The following NXN variants were observed in gnomAD, a reference collection of about 807,000 sequenced individuals.
The protein encoded by NXN is nucleoredoxin 1.
A neutral mutation model predicts 48.6 loss-of-function variants in NXN; 16 were observed. The observed-to-expected ratio is 0.33, with a 90% CI of 0.22 to 0.50. The LOEUF (loss-of-function observed/expected upper bound fraction) is 0.50, where lower values mean the gene tolerates loss of function less well. NXN is among the 20% of genes least tolerant of loss of function. The pLI is 0.98. For synonymous variants in NXN, 281 were observed against 269.6 expected (o/e 1.04, Z -0.41); for missense variants, 492 against 605.5 (o/e 0.81, Z 1.97).
chr17:866,372 G>GA (rs1307859385), intron 1 of NXN, among the ~76,000 whole-genome samples: 2 of 152,150 alleles, frequency 1.3e-5, no homozygotes, highest in Non-Finnish European at 2.9e-5. Flanking sequence ...CACCTGCACT[G>GA]AAGAGTTCAA....
rs535073467 is a variant in NXN, at chr17:817,435, C to A, written c.820+2004G>T. Among the ~76,000 whole-genome samples the A allele has an allele frequency of 2.0e-5, 3 of 152,006 alleles. No homozygotes were observed. The South Asian group carries it at 6.2e-4, about 32-fold the overall frequency. On this transcript the variant is annotated intron_variant, in intron 5 of 7. Coordinates refer to ENST00000336868, the MANE Select transcript of NXN (RefSeq NM_022463.5). ...CTGTAATCCCAGCACTTTGGGAGGC[C>A]GAGGTGGGCGGATCACAAGGTCAAG...
chr17:817,587 T>C (rs1346442937), intron 5 of NXN, among the ~76,000 whole-genome samples: 4 of 148,558 alleles, frequency 2.7e-5, no homozygotes, highest in Non-Finnish European at 5.9e-5. Flanking sequence ...GAGAATGGCG[T>C]GAACCCGGGA....
rs553897345 is a variant in NXN at position 886,887 on chromosome 17, CATTTTT to C, written c.361-60815_361-60810del. On this transcript the variant is annotated intron_variant, in intron 1 of 7. Transcript: ENST00000336868. The stretch of plus-strand genomic sequence containing the variant: ...GATCTCATTCTATTGTTTATCCTAA[CATTTTT>C]GCCTGACAGTCTGGATAAAACAAAC... Among the ~76,000 whole-genome samples, 59 of 152,000 alleles carry C rather than the reference CATTTTT, an allele frequency of 3.9e-4. No homozygotes were observed. In the East Asian group the frequency reaches 0.01, roughly 26 times the overall value.
chr17:896,851 C>A, intron 1 of NXN: 1 of 1,191,200 alleles, frequency 8.4e-7, no homozygotes, highest in Admixed American at 3.1e-5. Flanking sequence ...CCACGCGGTC[C>A]TGACCACCCG....
chr17:859,854 C>T (rs1023843825), intron 1 of NXN, among the ~76,000 whole-genome samples: 19 of 152,136 alleles, frequency 1.2e-4, no homozygotes, highest in Non-Finnish European at 2.1e-4. Flanking sequence ...CAGGCAAAAC[C>T]GAGCAAATTA....
intron 1 of NXN, among the ~76,000 whole-genome samples, chr17:848,085 CAGG>C (rs1567831702): frequency 6.6e-6 from 1 of 151,936 alleles, no homozygotes; most frequent in Non-Finnish European, 1.5e-5. Context: ...CTGACACCCT[CAGG>C]AGGACGTCAA....
chr17:937,105 C>T (rs896622777), intron 1 of NXN, among the ~76,000 whole-genome samples: 1 of 151,988 alleles, frequency 6.6e-6, no homozygotes, highest in Admixed American at 6.6e-5. Flanking sequence ...ACCTCGGTGT[C>T]CTGAGTGGCT....
At chr17:948,704 A>G (rs1277401715) in intron 1 of NXN, among the ~76,000 whole-genome samples, 1 of 151,700 alleles carries the variant, frequency 6.6e-6, no homozygotes, top group Non-Finnish European at 1.5e-5. Flanking sequence ...GCGGGGCCTC[A>G]CCCCGGCCCG....
chr17:894,915 G>A (rs1159838078), intron 1 of NXN, among the ~76,000 whole-genome samples: 1 of 150,876 alleles, frequency 6.6e-6, no homozygotes, highest in East Asian at 1.9e-4. Context: ...CCAGGTCCCC[G>A]CTGGCCGCCT....
intron 1 of NXN, among the ~76,000 whole-genome samples, chr17:953,764 C>A (rs1398801814): frequency 6.6e-6 from 1 of 152,050 alleles, no homozygotes; most frequent in Non-Finnish European, 1.5e-5. Context: ...AGTGAGACCC[C>A]CATCTCTAAC....
intron 1 of NXN, chr17:897,059 G>A (rs533564696): frequency 1.5e-5 from 16 of 1,072,822 alleles, no homozygotes; most frequent in East Asian, 1.1e-4. Context: ...TCACACACGC[G>A]TGAGCTTTGA....
Position 811,511 on chromosome 17 carries a change from G to GGC in NXN, c.821-6265_821-6264insGC, listed in dbSNP as rs1446015521. Among the ~76,000 whole-genome samples the GGC allele has an allele frequency of 5.0e-4, 73 of 146,102 alleles. 1 individual carries two copies. The highest frequency in any genetic ancestry group is 4.9e-3 in the Admixed American group (73 of 14,984). On this transcript the variant is annotated intron_variant, in intron 5 of 7. Transcript: ENST00000336868. ...CAGGCTGCGTAAAGCCCCGGGGTTG[G>GGC]GGGGGGGGCAGCACTCTGGAAGCCA...
At chr17:947,883 C>CAA (rs71145800) in intron 1 of NXN, among the ~76,000 whole-genome samples, 3,716 of 119,180 alleles carry the variant, frequency 0.031, 126 homozygotes, top group Non-Finnish European at 0.045. Flanking sequence ...TACTGAAATA[C>CAA]AAAAAAAAAA....
At position 813,000 on chromosome 17, in the gene NXN, T is replaced by G. The variant is rs150104144; in HGVS notation, c.820+6439A>C. ...TGTGTGCACATGTGAATGTAGGTGT[T>G]TGCATGTGTGTAGGTTGTGTGCACG... On this transcript the variant is annotated intron_variant, in intron 5 of 7. Transcript: ENST00000336868. 2.0e-5 allele frequency among the ~76,000 whole-genome samples: 3 copies of G among 151,952 alleles called. No individual in the cohort carries two copies. In the East Asian group the frequency reaches 5.8e-4, roughly 29 times the overall value.
chr17:837,930 G>A (rs1043024661), intron 1 of NXN, among the ~76,000 whole-genome samples: 2 of 152,168 alleles, frequency 1.3e-5, no homozygotes, highest in South Asian at 2.1e-4. Flanking sequence ...TGGCAAGAGC[G>A]TGAGGTTCAC....
intron 1 of NXN, among the ~76,000 whole-genome samples, chr17:922,003 C>T (rs893491251): frequency 8.5e-5 from 13 of 152,354 alleles, no homozygotes; most frequent in East Asian, 1.9e-4. Flanking sequence ...CTGAAGACAT[C>T]GCTGTCAACC....
At chr17:811,802 G>C (rs995507423) in intron 5 of NXN, among the ~76,000 whole-genome samples, 1 of 149,422 alleles carries the variant, frequency 6.7e-6, no homozygotes, top group African/African-American at 2.5e-5. Context: ...CACCCGTACC[G>C]CCCCCCAGAC....
intron 1 of NXN, among the ~76,000 whole-genome samples, chr17:976,280 T>A (rs1451418899): frequency 6.6e-6 from 1 of 152,076 alleles, no homozygotes; most frequent in Non-Finnish European, 1.5e-5. Context: ...TCCCCAGGTT[T>A]TTTTTAACTA....
At chr17:809,887 C>A (rs1157544112) in intron 5 of NXN, among the ~76,000 whole-genome samples, 1 of 149,510 alleles carries the variant, frequency 6.7e-6, no homozygotes, top group African/African-American at 2.5e-5. Flanking sequence ...GTGGCGTGTA[C>A]GTTAAGAGTC....
Sources: allele counts gnomAD v4.1 joint callset (sites outside exome capture counted in the v4.1 genomes callset), GRCh38; gene constraint gnomAD v4.1.1; transcripts MANE v1.5; gene names NCBI Gene and HGNC (gene_info 2026-07-23, HGNC 2026-07-21).